FGD4: variants seen among roughly 807,000 people sequenced by gnomAD.
FGD4 encodes the protein FYVE, RhoGEF and PH domain containing 4, also known as FYVE, RhoGEF and PH domain-containing protein 4.
A neutral mutation model predicts 102.0 loss-of-function variants in FGD4; 42 were observed. The ratio of observed to expected loss-of-function variants is 0.41; its 90% CI spans 0.32 to 0.53. The LOEUF is 0.53. Ranked by LOEUF, FGD4 falls within the 20% of genes least tolerant of loss-of-function variation. The pLI is 0.21. For missense variants in FGD4, 902 were observed against 1,078.2 expected, an observed-to-expected ratio of 0.84 and a Z score of 2.29; for synonymous variants, 380 against 375.7, an observed-to-expected ratio of 1.01 and a Z score of -0.13.
intron 1 of FGD4, among the ~76,000 whole-genome samples, chr12:32,453,506 T>C (rs1942868329): frequency 6.6e-6 from 1 of 151,824 alleles, no homozygotes; most frequent in Non-Finnish European, 1.5e-5. Context: ...AGTGCTGGGA[T>C]TACAGGTGTG....
At chr12:32,477,521 T>C (rs1178424607) in intron 1 of FGD4, 4 of 152,360 alleles carry the variant, frequency 2.6e-5, no homozygotes, top group African/African-American at 9.6e-5. Context: ...CAGAAGTCAT[T>C]TTAAGTTCCT....
intron 5 of FGD4, among the ~76,000 whole-genome samples, chr12:32,599,410 C>T (rs1268090550): frequency 1.6e-4 from 21 of 127,950 alleles, no homozygotes; most frequent in African/African-American, 5.3e-4. Context: ...AGGAGAATGG[C>T]GTGAACCCGG....
chr12:32,408,490 A>G (rs566913745), intron 1 of FGD4, among the ~76,000 whole-genome samples: 1 of 152,096 alleles, frequency 6.6e-6, no homozygotes, highest in East Asian at 1.9e-4. Flanking sequence ...TTTAATAGAG[A>G]TGGGGTTTCG....
intron 1 of FGD4, among the ~76,000 whole-genome samples, chr12:32,440,127 G>C (rs1038208534): frequency 3.9e-5 from 6 of 152,190 alleles, no homozygotes; most frequent in Admixed American, 3.9e-4. Context: ...ACATATCTCT[G>C]TTTTTCCAGG....
intron 1 of FGD4, among the ~76,000 whole-genome samples, chr12:32,522,898 C>T (rs1221574227): frequency 6.6e-6 from 1 of 152,232 alleles, no homozygotes; most frequent in African/African-American, 2.4e-5. Context: ...AAGTCTGCCA[C>T]CAATTTCCTT....
In FGD4 at chr12:32,494,705, G is replaced by C. The variant is rs138695622; in HGVS notation, c.167-69432G>C. On this transcript the variant is annotated intron_variant, in intron 1 of 16. Transcript: ENST00000534526. ...AGGAGAGTTGGTTGTGAGAAGGCCA[G>C]GGAGGAAAGGTCAAGAAAGAGGGCA... Among the ~76,000 whole-genome samples the C allele has an allele frequency of 3.7e-3, 557 of 152,316 alleles. 1 individual carries two copies. The highest frequency in any genetic ancestry group is 0.012 in the African/African-American group (514 of 41,564).
intron 1 of FGD4, among the ~76,000 whole-genome samples, chr12:32,428,354 T>C (rs1240993250): frequency 6.6e-6 from 1 of 152,246 alleles, no homozygotes; most frequent in African/African-American, 2.4e-5. Flanking sequence ...AATTCTGAGT[T>C]GAAAATTCTT....
At chr12:32,543,926 C>T (rs1943040609) in intron 1 of FGD4, among the ~76,000 whole-genome samples, 2 of 151,998 alleles carry the variant, frequency 1.3e-5, no homozygotes, top group Admixed American at 6.6e-5. Flanking sequence ...CGCACCCAGC[C>T]GGAAATTACA....
rs60760923 is a variant in FGD4, at chr12:32,451,834, CAAAAAAAAAAA to C, written c.166+51895_166+51905del. 8.7e-4 allele frequency among the ~76,000 whole-genome samples: 21 copies of C among 24,150 alleles called. No individual in the cohort carries two copies. The East Asian group carries it at 9.9e-3, about 11-fold the overall frequency. 15.8% of individuals were successfully genotyped at this position (24,150 alleles called of 152,430 possible). A position where few individuals can be genotyped will look rare whatever the true frequency, so the allele number is the denominator to read the frequency against. ...GGGCAACAAAAGCGAAACTCCATCT[CAAAAAAAAAAA>C]AAAAAAAAAAAAAAAAAAAGTAAGT... is the stretch of plus-strand genomic sequence containing the variant. On this transcript the variant is annotated intron_variant, in intron 1 of 16. Coordinates refer to ENST00000534526, the MANE Select transcript of FGD4 (RefSeq NM_001370298.3).
chr12:32,502,142 A>G (rs1198006239), intron 1 of FGD4: 1 of 985,062 alleles, frequency 1.0e-6, no homozygotes, highest in Non-Finnish European at 1.2e-6. Flanking sequence ...CCATCTGTTC[A>G]CTCCCCACCG....
chr12:32,597,122 AT>A (rs1947971065), intron 4 of FGD4, among the ~76,000 whole-genome samples: 1 of 152,226 alleles, frequency 6.6e-6, no homozygotes, highest in Admixed American at 6.5e-5. Context: ...TTTAGTATTT[AT>A]AAGGATTAAT....
chr12:32,498,837 G>A (rs1278695720), intron 1 of FGD4, among the ~76,000 whole-genome samples: 4 of 152,128 alleles, frequency 2.6e-5, no homozygotes, highest in Non-Finnish European at 5.9e-5. Flanking sequence ...TCCTGACCTC[G>A]TGATCCGCCT....
At chr12:32,574,409 G>A (rs1945959795) in intron 2 of FGD4, among the ~76,000 whole-genome samples, 1 of 150,838 alleles carries the variant, frequency 6.6e-6, no homozygotes, top group Non-Finnish European at 1.5e-5. Flanking sequence ...ATGTTAAAAG[G>A]GTTTTTTGGT....
intron 1 of FGD4, among the ~76,000 whole-genome samples, chr12:32,459,413 C>T (rs1197103786): frequency 6.6e-6 from 1 of 151,960 alleles, no homozygotes; most frequent in East Asian, 1.9e-4. Flanking sequence ...AGGCTGGTCT[C>T]TAACTCATGG....
At chr12:32,481,640 G>A (rs561314411) in intron 1 of FGD4, among the ~76,000 whole-genome samples, 1 of 152,234 alleles carries the variant, frequency 6.6e-6, no homozygotes, top group Non-Finnish European at 1.5e-5. Flanking sequence ...GACCAACAAG[G>A]TGAAACCCTG....
chr12:32,428,252 G>A (rs552955546), intron 1 of FGD4, among the ~76,000 whole-genome samples: 1 of 152,288 alleles, frequency 6.6e-6, no homozygotes, highest in African/African-American at 2.4e-5. Flanking sequence ...TTGTAAGGCA[G>A]GCCTGGTGGT....
chr12:32,450,018 C>T (rs1053151896), intron 1 of FGD4, among the ~76,000 whole-genome samples: 33 of 152,100 alleles, frequency 2.2e-4, no homozygotes, highest in African/African-American at 6.0e-4. Flanking sequence ...CTGCAACCTC[C>T]GTCTCCCTGG....
chr12:32,644,979 A>G lies in FGD4; in HGVS notation c.*4446A>G, dbSNP rs1056318297. 6.6e-6 allele frequency: 1 copy of G among 151,954 alleles called. No homozygotes were observed. The highest frequency in any genetic ancestry group is 1.5e-5 in the Non-Finnish European group (1 of 68,024). The allele number at this position is 151,954 out of a possible 1,614,324, so 9.4% of individuals were successfully genotyped here. A position where few individuals can be genotyped will look rare whatever the true frequency, so the allele number is the denominator to read the frequency against. On this transcript the variant is annotated 3_prime_UTR_variant, in exon 17 of 17. Coordinates refer to ENST00000534526, the MANE Select transcript of FGD4 (RefSeq NM_001370298.3). ...GCAGTATCTTTTCCTGTATTTTGAC[A>G]TGAAATAGCACATGGCTTCTACAAG...
chr12:32,625,920 G>C, intron 14 of FGD4, 141 bp downstream of exon 14: 1 of 1,145,936 alleles, frequency 8.7e-7, no homozygotes, highest in Non-Finnish European at 1.3e-6. Context: ...GCAGAGGACT[G>C]TGCTGAGCCC....
Sources: allele counts gnomAD v4.1 joint callset (sites outside exome capture counted in the v4.1 genomes callset), GRCh38; gene constraint gnomAD v4.1.1; transcripts MANE v1.5; gene names NCBI Gene and HGNC (gene_info 2026-07-23, HGNC 2026-07-21).